The following CNDP1 variants were observed in gnomAD, a reference collection of about 807,000 sequenced individuals.
CNDP1 encodes carnosine dipeptidase 1.
Under a neutral mutation model 58.1 loss-of-function variants are expected in CNDP1, and 44 were observed. The observed-to-expected ratio is 0.76, with a 90% CI of 0.60 to 0.97. The LOEUF is 0.97. Ranked by LOEUF, CNDP1 falls within the 50% of genes least tolerant of loss-of-function variation. The pLI, the probability that CNDP1 is intolerant of heterozygous loss-of-function variation, is 0.00. For missense variants in CNDP1, 616 were observed against 655.1 expected (o/e 0.94, Z 0.65); for synonymous variants, 254 against 252.6 (o/e 1.01, Z -0.05).
rs779328773 is a variant in CNDP1, at chr18:74,571,198, G to C, written c.769G>C (p.Asp257His). 1.9e-6 allele frequency: 3 copies of C among 1,611,790 alleles called. No individual in the cohort carries two copies. The highest frequency in any genetic ancestry group is 2.5e-6 in the Non-Finnish European group (3 of 1,177,952). The stretch of plus-strand genomic sequence containing the variant: ...ATCTACTCTGCAGGTGAAATGCAGA[G>C]ACCAGGATTTTCACTCAGGAACCTT... ...SYFMVEVKCR[D>H]QDFHSGTFGG... Residue 257 changes from aspartate to histidine, a missense_variant, in exon 7 of 12, where the codon GAC becomes CAC. Coordinates refer to ENST00000358821, the MANE Select transcript of CNDP1 (RefSeq NM_032649.6).
intron 10 of CNDP1, 108 bp downstream of exon 10, chr18:74,580,379 C>A: frequency 9.1e-7 from 1 of 1,099,752 alleles, no homozygotes; most frequent in Non-Finnish European, 1.3e-6. Context: ...AATCAACTCT[C>A]CTTTTAATAC....
At chr18:74,551,839 T>A (rs1980917484) in intron 1 of CNDP1, among the ~76,000 whole-genome samples, 1 of 151,856 alleles carries the variant, frequency 6.6e-6, no homozygotes, top group African/African-American at 2.4e-5. Context: ...ATAATTTTTT[T>A]AATGGAACTT....
chr18:74,544,196 G>A (rs1003855928), intron 1 of CNDP1, among the ~76,000 whole-genome samples: 5 of 151,974 alleles, frequency 3.3e-5, no homozygotes, highest in Non-Finnish European at 5.9e-5. Flanking sequence ...AGTTTGCAGT[G>A]AGCAGTGATT....
chr18:74,564,499 C>T (rs1362236242), intron 5 of CNDP1, among the ~76,000 whole-genome samples: 1 of 152,130 alleles, frequency 6.6e-6, no homozygotes. Flanking sequence ...ATAACAGCTA[C>T]TTGAAGTAAA....
chr18:74,571,107 T>C, intron 6 of CNDP1, 79 bp from the exon 7 acceptor site: 6 of 897,586 alleles, frequency 6.7e-6, no homozygotes, highest in Middle Eastern at 2.2e-4. Flanking sequence ...CACGCAGATA[T>C]GTATTTCACC....
chr18:74,542,674 C>T (rs1003120933), intron 1 of CNDP1, among the ~76,000 whole-genome samples: 1 of 152,218 alleles, frequency 6.6e-6, no homozygotes, highest in Admixed American at 6.5e-5. Flanking sequence ...TATAGGTATG[C>T]ACCACCTGGC....
chr18:74,540,683 G>A (rs1313585685), intron 1 of CNDP1, among the ~76,000 whole-genome samples: 1 of 152,182 alleles, frequency 6.6e-6, no homozygotes, highest in Non-Finnish European at 1.5e-5. Context: ...CCCCTCTAGT[G>A]CTTCAGGTCA....
In CNDP1 at chr18:74,559,433, G is replaced by A; in HGVS notation, c.264G>A (p.Leu88=). 1 of 1,611,958 alleles carries A rather than the reference G, an allele frequency of 6.2e-7. No homozygotes were observed. Among genetic ancestry groups the A allele is most frequent in the Non-Finnish European group, 8.5e-7 (1 of 1,179,916 alleles). The part of the protein sequence containing the change: ...MAVAADTLQR[L]GARVASVDMG... ...TGGCTGCGGACACGCTGCAGCGCCT[G>A]GGGGCCCGTGTGGCCTCGGTGGACA... Residue 88 remains leucine (L), a synonymous_variant, in exon 3 of 12, where the codon CTG becomes CTA. Transcript: ENST00000358821.
intron 1 of CNDP1, among the ~76,000 whole-genome samples, chr18:74,537,805 G>A (rs1287404087): frequency 6.6e-6 from 1 of 152,154 alleles, no homozygotes; most frequent in Non-Finnish European, 1.5e-5. Context: ...GAATGAACCA[G>A]GTCATATATC....
chr18:74,556,406 C>T lies in CNDP1; in HGVS notation c.93C>T (p.Pro31=). 6.2e-7 allele frequency: 1 copy of T among 1,614,238 alleles called. No homozygotes were observed. The highest frequency in any genetic ancestry group is 2.2e-5 in the East Asian group (1 of 44,892). The change falls in exon 2 of 12, where the codon CCC becomes CCT. Residue 31 remains proline, a synonymous_variant. Transcript: ENST00000358821. The part of the protein sequence containing the change: ...ERGMFSSPSP[P]PALLEKVFQY... ...GCATGTTCTCCTCACCCTCCCCGCC[C>T]CCGGCGCTGTTAGAGAAAGTCTTCC...
rs562365826 is a variant in CNDP1 at position 74,553,712 on chromosome 18, C to A, written c.25-2626C>A. Among the ~76,000 whole-genome samples the A allele has an allele frequency of 2.1e-4, 32 of 152,248 alleles. No homozygotes were observed. In the South Asian group the frequency reaches 5.8e-3, roughly 28 times the overall value. On this transcript the variant is annotated intron_variant, in intron 1 of 11. Coordinates refer to ENST00000358821, the MANE Select transcript of CNDP1 (RefSeq NM_032649.6). ...CGATTATTATCCAGCAAAATTCAGA[C>A]CCTTATTAGAACGTTTTGATACATT...
rs543186494 is a variant in CNDP1 at position 74,565,742 on chromosome 18, G to A, written c.556-1491G>A. On this transcript the variant is annotated intron_variant, in intron 5 of 11. Coordinates refer to ENST00000358821, the MANE Select transcript of CNDP1 (RefSeq NM_032649.6). ...TCATGGGCTGGCATTGAGTGTCTGC[G>A]GTTTTTCCAGGTGCACGGTTCAAGC... Among the ~76,000 whole-genome samples, 40 of 152,248 alleles carry A rather than the reference G, an allele frequency of 2.6e-4. 1 individual carries two copies. The highest frequency in any genetic ancestry group is 7.0e-4 in the African/African-American group (29 of 41,544).
At chr18:74,569,200 T>A (rs544466676) in intron 6 of CNDP1, among the ~76,000 whole-genome samples, 3 of 152,114 alleles carry the variant, frequency 2.0e-5, no homozygotes, top group Non-Finnish European at 4.4e-5. Flanking sequence ...GCTAGCATTA[T>A]TGCCTAGTGA....
At chr18:74,538,858 C>T (rs923268523) in intron 1 of CNDP1, among the ~76,000 whole-genome samples, 8 of 152,190 alleles carry the variant, frequency 5.3e-5, no homozygotes, top group African/African-American at 1.4e-4. Flanking sequence ...ACCTCATCCC[C>T]GTCAAGGGAT....
rs539075425 is a variant in CNDP1 at position 74,579,333 on chromosome 18, ATCCCCTCCCCC to A, written c.1168-781_1168-771del. Among the ~76,000 whole-genome samples, 103 of 18,848 alleles carry A rather than the reference ATCCCCTCCCCC, an allele frequency of 5.5e-3. 1 individual carries two copies. The highest frequency in any genetic ancestry group is 0.018 in the African/African-American group (88 of 4,896). The allele number at this position is 18,848 out of a possible 152,430, so 12.4% of individuals were successfully genotyped here. A position where few individuals can be genotyped will look rare whatever the true frequency, so the allele number is the denominator to read the frequency against. ...CCCACTCCCTTCCCCTCCCCTCTCC[ATCCCCTCCCCC>A]TCCCCTCCCCCTCCCTTCCCTTTCC... On this transcript the variant is annotated intron_variant, in intron 9 of 11. Transcript: ENST00000358821.
intron 1 of CNDP1, among the ~76,000 whole-genome samples, chr18:74,536,387 A>G (rs1434367307): frequency 6.6e-6 from 1 of 152,164 alleles, no homozygotes; most frequent in African/African-American, 2.4e-5. Flanking sequence ...GAGAACATGC[A>G]GTGTCTGGTT....
intron 2 of CNDP1, among the ~76,000 whole-genome samples, chr18:74,558,615 G>C (rs189224264): frequency 9.9e-5 from 15 of 152,028 alleles, no homozygotes; most frequent in Non-Finnish European, 1.9e-4. Flanking sequence ...AGGATGGTCT[G>C]GATCTGCTGA....
chr18:74,582,175 G>GAAAT (rs1981805799), intron 10 of CNDP1, among the ~76,000 whole-genome samples: 1 of 152,234 alleles, frequency 6.6e-6, no homozygotes, highest in African/African-American at 2.4e-5. Flanking sequence ...AAATAGGTCT[G>GAAAT]AAATAGCCTT....
chr18:74,565,009 A>G (rs1981291601), intron 5 of CNDP1, among the ~76,000 whole-genome samples: 1 of 152,226 alleles, frequency 6.6e-6, no homozygotes. Context: ...ACAGTTCCAT[A>G]TGGCTTAGGA....
Sources: allele counts gnomAD v4.1 joint callset (sites outside exome capture counted in the v4.1 genomes callset), GRCh38; gene constraint gnomAD v4.1.1; transcripts MANE v1.5; gene names NCBI Gene and HGNC (gene_info 2026-07-23, HGNC 2026-07-21).